The following ARL15 variants were observed in gnomAD, a reference collection of about 807,000 sequenced individuals.
The protein encoded by ARL15 is ARF like GTPase 15.
ARL15 carries 19 observed loss-of-function variants against 25.2 expected under a neutral mutation model. The ratio of observed to expected loss-of-function variants is 0.75; its 90% CI spans 0.53 to 1.10. The LOEUF (loss-of-function observed/expected upper bound fraction) is 1.10, where lower values mean the gene tolerates loss of function less well. Ranked by LOEUF, ARL15 falls within the 50% of genes least tolerant of loss-of-function variation. ARL15 has a pLI of 0.00. For synonymous variants in ARL15, 94 were observed against 86.8 expected, an observed-to-expected ratio of 1.08 and a Z score of -0.46; for missense variants, 220 against 246.0, an observed-to-expected ratio of 0.89 and a Z score of 0.71.
At chr5:54,197,544 G>C (rs1483171524) in intron 1 of ARL15, among the ~76,000 whole-genome samples, 1 of 152,046 alleles carries the variant, frequency 6.6e-6, no homozygotes, top group Non-Finnish European at 1.5e-5. Context: ...TCCACATTTT[G>C]GGGGGAAATG....
At chr5:54,061,898 C>T (rs1172466432) in intron 4 of ARL15, among the ~76,000 whole-genome samples, 7 of 152,180 alleles carry the variant, frequency 4.6e-5, no homozygotes, top group Admixed American at 2.0e-4. Flanking sequence ...AAGCCACAGA[C>T]ACTCAATGCC....
chr5:53,938,247 G>A (rs1746416361), intron 4 of ARL15, among the ~76,000 whole-genome samples: 1 of 26,004 alleles, frequency 3.8e-5, no homozygotes, highest in Admixed American at 3.9e-4. Flanking sequence ...TTAACATTCT[G>A]CTAAAAAAAA....
intron 4 of ARL15, among the ~76,000 whole-genome samples, chr5:54,100,032 C>T (rs1237550017): frequency 1.3e-5 from 2 of 152,052 alleles, no homozygotes; most frequent in Non-Finnish European, 1.5e-5. Flanking sequence ...CATGTATTCA[C>T]TTGAGAAATG....
At chr5:54,199,296 T>C (rs1467274226) in intron 1 of ARL15, among the ~76,000 whole-genome samples, 2 of 151,888 alleles carry the variant, frequency 1.3e-5, no homozygotes, top group African/African-American at 2.4e-5. Context: ...AATTGACAAA[T>C]GGGATATAAT....
intron 4 of ARL15, among the ~76,000 whole-genome samples, chr5:54,010,118 A>G (rs1749184979): frequency 6.6e-6 from 1 of 152,172 alleles, no homozygotes; most frequent in Non-Finnish European, 1.5e-5. Flanking sequence ...GCCCTCCCGA[A>G]AAACACAAAA....
At chr5:54,096,860 G>C (rs1752304014) in intron 4 of ARL15, among the ~76,000 whole-genome samples, 1 of 152,058 alleles carries the variant, frequency 6.6e-6, no homozygotes, top group Non-Finnish European at 1.5e-5. Context: ...TCACATACTG[G>C]TTACTATGTA....
chr5:53,910,135 A>T lies in ARL15; in HGVS notation c.463-23422T>A, dbSNP rs6896020. ...CAATGAAAATCCAACAACTGCCCACAGGGCTGCAATGTTTATATGTGGATT... is the reference window on the plus strand; with the variant it reads ...CAATGAAAATCCAACAACTGCCCACTGGGCTGCAATGTTTATATGTGGATT... On this transcript the variant is annotated intron_variant, in intron 4 of 4. Coordinates refer to ENST00000504924, the MANE Select transcript of ARL15 (RefSeq NM_019087.3). 1.4e-4 allele frequency among the ~76,000 whole-genome samples: 21 copies of T among 152,154 alleles called. No homozygotes were observed. In the South Asian group the frequency reaches 3.7e-3, roughly 27 times the overall value.
intron 3 of ARL15, among the ~76,000 whole-genome samples, chr5:54,130,481 GCT>G (rs1220530758): frequency 6.6e-6 from 1 of 152,098 alleles, no homozygotes; most frequent in African/African-American, 2.4e-5. Flanking sequence ...GTCTACAATA[GCT>G]CTTTCAGATT....
chr5:54,276,855 T>C (rs370546661), intron 1 of ARL15, among the ~76,000 whole-genome samples: 3 of 152,158 alleles, frequency 2.0e-5, no homozygotes, highest in Admixed American at 6.5e-5. Context: ...GGAATACAGA[T>C]AGCTGCTAGA....
intron 4 of ARL15, among the ~76,000 whole-genome samples, chr5:53,888,642 A>G (rs1744620516): frequency 1.3e-5 from 2 of 152,166 alleles, no homozygotes; most frequent in African/African-American, 4.8e-5. Context: ...TGTTTTCTTT[A>G]TGGCACTGAA....
chr5:54,037,503 A>T (rs1750206623), intron 4 of ARL15, among the ~76,000 whole-genome samples: 2 of 152,092 alleles, frequency 1.3e-5, no homozygotes, highest in Non-Finnish European at 2.9e-5. Context: ...AAAACTAGCC[A>T]CTGAACTAAA....
chr5:54,224,451 T>A (rs1444205052), intron 1 of ARL15, among the ~76,000 whole-genome samples: 1 of 152,124 alleles, frequency 6.6e-6, no homozygotes, highest in East Asian at 1.9e-4. Flanking sequence ...GAATTAGAGA[T>A]TAATCAGTTG....
intron 4 of ARL15, among the ~76,000 whole-genome samples, chr5:54,065,784 AAAT>A (rs966679402): frequency 1.1e-4 from 17 of 152,238 alleles, no homozygotes; most frequent in Non-Finnish European, 2.2e-4. Context: ...AGTATGAGAA[AAAT>A]AATGTAAAAC....
chr5:54,188,848 C>T (rs1755314876), intron 1 of ARL15, among the ~76,000 whole-genome samples: 1 of 152,140 alleles, frequency 6.6e-6, no homozygotes, highest in African/African-American at 2.4e-5. Context: ...AGGCCCACAG[C>T]TCTCTTTTTA....
At position 54,130,893 on chromosome 5, in the gene ARL15, G is replaced by T. The variant is rs150646987; in HGVS notation, c.254-17483C>A. On this transcript the variant is annotated intron_variant, in intron 3 of 4. Coordinates refer to ENST00000504924, the MANE Select transcript of ARL15 (RefSeq NM_019087.3). ...TAGGAACCTATTTGGCACATCTAAG[G>T]AAGGATGCGTATGTATGTGTGGAGG... is the stretch of plus-strand genomic sequence containing the variant. Among the ~76,000 whole-genome samples the T allele has an allele frequency of 1.0e-3, 159 of 152,298 alleles. 1 individual carries two copies. Among genetic ancestry groups the T allele is most frequent in the African/African-American group, 3.7e-3 (153 of 41,568 alleles).
chr5:54,310,561 A>T lies in ARL15; in HGVS notation c.-82T>A. On this transcript the variant is annotated 5_prime_UTR_variant, in exon 1 of 5. Transcript: ENST00000504924. ...CTGGCTGCGAGCGAGCAGCTCCTGA[A>T]AAAGCCAGCAACAGCGAAAATAGCC... 1 of 1,473,522 alleles carries T rather than the reference A, an allele frequency of 6.8e-7. No homozygotes were observed. Among genetic ancestry groups the T allele is most frequent in the Admixed American group, 2.2e-5 (1 of 45,860 alleles). The allele number at this position is 1,473,522 out of a possible 1,614,324, so 91.3% of individuals were successfully genotyped here.
intron 1 of ARL15, among the ~76,000 whole-genome samples, chr5:54,196,748 T>C (rs1280680983): frequency 6.6e-6 from 1 of 152,114 alleles, no homozygotes; most frequent in African/African-American, 2.4e-5. Flanking sequence ...TATAAAACTG[T>C]GATTAAACAG....
chr5:53,897,547 G>T (rs911586716), intron 4 of ARL15, among the ~76,000 whole-genome samples: 1 of 152,136 alleles, frequency 6.6e-6, no homozygotes, highest in African/African-American at 2.4e-5. Context: ...GAGCAGTTTT[G>T]TGTAAACACA....
chr5:54,057,379 C>G (rs1307852973), intron 4 of ARL15, among the ~76,000 whole-genome samples: 1 of 152,160 alleles, frequency 6.6e-6, no homozygotes, highest in Non-Finnish European at 1.5e-5. Flanking sequence ...AACCATAAGA[C>G]TGGTAACATA....
Sources: allele counts gnomAD v4.1 joint callset (sites outside exome capture counted in the v4.1 genomes callset), GRCh38; gene constraint gnomAD v4.1.1; transcripts MANE v1.5; gene names NCBI Gene and HGNC (gene_info 2026-07-23, HGNC 2026-07-21).